The following OSBPL3 variants were observed in gnomAD, a reference collection of about 807,000 sequenced individuals.
OSBPL3 encodes oxysterol-binding protein-related protein 3.
A neutral mutation model predicts 120.1 loss-of-function variants in OSBPL3; 65 were observed. The ratio of observed to expected loss-of-function variants is 0.54; its 90% CI spans 0.44 to 0.67. The LOEUF is 0.67. Among genes scored for constraint, OSBPL3 ranks in the 30% least tolerant of loss-of-function variants. OSBPL3 has a pLI of 0.00. For missense variants in OSBPL3, 1,004 were observed against 1,082.1 expected (o/e 0.93, Z 1.01); for synonymous variants, 416 against 402.6 (o/e 1.03, Z -0.40).
chr7:24,838,723 A>G (rs772507476), intron 14 of OSBPL3, among the ~76,000 whole-genome samples: 15 of 152,214 alleles, frequency 9.9e-5, no homozygotes, highest in Admixed American at 2.6e-4. Context: ...GAGGACTTCC[A>G]CATTTGTCAA....
intron 14 of OSBPL3, among the ~76,000 whole-genome samples, chr7:24,840,032 A>T (rs1797536039): frequency 6.8e-6 from 1 of 147,220 alleles, no homozygotes; most frequent in African/African-American, 2.5e-5. Flanking sequence ...GATATGTGTT[A>T]CATTTTTTAT....
At chr7:24,868,339 GT>G (rs1165314703) in intron 5 of OSBPL3, among the ~76,000 whole-genome samples, 1 of 15,840 alleles carries the variant, frequency 6.3e-5, no homozygotes, top group East Asian at 2.4e-3. Flanking sequence ...AAAAAAAAAA[GT>G]GTGTGTGTGT....
chr7:24,962,796 T>A (rs1017870739), intron 1 of OSBPL3, among the ~76,000 whole-genome samples: 1 of 152,206 alleles, frequency 6.6e-6, no homozygotes, highest in African/African-American at 2.4e-5. Flanking sequence ...TTTAGCAACA[T>A]AAGCCAATAA....
rs1796773135 is a variant in OSBPL3, at chr7:24,834,600, G to A, written c.1632C>T (p.Ala544=). The change falls in exon 15 of 23, where the codon GCC becomes GCT. Residue 544 remains alanine (A), a synonymous_variant. Transcript: ENST00000313367. This position sits in a 1 kb window ranked among gnomAD's most constrained non-coding sequence, Gnocchi z 5.2. Reference sequence around the variant, plus strand: ...GGGGCTCGTTCAGCTCCACCGGCATGGCCACCTTGGACAGGTCCTTCCCGA... The same window carrying A: ...GGGGCTCGTTCAGCTCCACCGGCATAGCCACCTTGGACAGGTCCTTCCCGA... ...NNIGKDLSKV[A]MPVELNEPLN... 6.2e-7 allele frequency: 1 copy of A among 1,614,204 alleles called. No individual in the cohort carries two copies. The highest frequency in any genetic ancestry group is 1.3e-5 in the African/African-American group (1 of 75,046).
rs947835398 is a variant in OSBPL3, at chr7:24,805,259, T to G, written c.2445-822A>C. Among the ~76,000 whole-genome samples, 12 of 152,200 alleles carry G rather than the reference T, an allele frequency of 7.9e-5. No homozygotes were observed. Among genetic ancestry groups the G allele is most frequent in the Non-Finnish European group, 1.6e-4 (11 of 68,034 alleles). Reference sequence around the variant, plus strand: ...TCAAAGTGTATAAAACTTCTGAATTTTTGCCAATCTGATAGGTTAAAAATT... The same window carrying G: ...TCAAAGTGTATAAAACTTCTGAATTGTTGCCAATCTGATAGGTTAAAAATT... On this transcript the variant is annotated intron_variant, in intron 21 of 22. Coordinates refer to ENST00000313367, the MANE Select transcript of OSBPL3 (RefSeq NM_015550.4). The surrounding 1 kb of genome is among the most constrained non-coding windows in gnomAD (Gnocchi z 4.0).
chr7:24,861,367 A>C lies in OSBPL3; in HGVS notation c.1027+246T>G, dbSNP rs991873801. 2.6e-5 allele frequency among the ~76,000 whole-genome samples: 4 copies of C among 152,214 alleles called. No individual in the cohort carries two copies. The East Asian group carries it at 7.7e-4, about 29-fold the overall frequency. ...ATTACCAATTTACACTCCCACCAAC[A>C]TCACATGAATTGCTCAGCTTTTAAA... is the stretch of plus-strand genomic sequence containing the variant. On this transcript the variant is annotated intron_variant, in intron 10 of 22. Coordinates refer to ENST00000313367, the MANE Select transcript of OSBPL3 (RefSeq NM_015550.4).
At position 24,852,569 on chromosome 7, in the gene OSBPL3, T is replaced by A. The variant is rs1057320538; in HGVS notation, c.1093A>T (p.Met365Leu). The A allele has an allele frequency of 1.9e-5, 30 of 1,609,992 alleles. No homozygotes were observed. Among genetic ancestry groups the A allele is most frequent in the Non-Finnish European group, 2.4e-5 (28 of 1,178,730 alleles). Residue 365 changes from methionine to leucine, a missense_variant, in exon 11 of 23, where the codon ATG becomes TTG. Transcript: ENST00000313367. This position sits in a 1 kb window ranked among gnomAD's most constrained non-coding sequence, Gnocchi z 4.1. ...GGGGAGGAGGAGGCATCCTGCTCCA[T>A]CAGCTGCTTCAGTTTCTCTCTCTCC... is the stretch of plus-strand genomic sequence containing the variant. ...SAEREKLKQL[M>L]EQDASSSPSA... is the part of the protein sequence containing the mutation.
At chr7:24,941,627 G>A (rs1235335203) in intron 1 of OSBPL3, among the ~76,000 whole-genome samples, 2 of 152,136 alleles carry the variant, frequency 1.3e-5, no homozygotes, top group Non-Finnish European at 2.9e-5. Flanking sequence ...CCTGCATCCC[G>A]TAAGATAGGT....
intron 12 of OSBPL3, among the ~76,000 whole-genome samples, chr7:24,848,019 C>G (rs535477283): frequency 6.6e-6 from 1 of 152,314 alleles, no homozygotes; most frequent in East Asian, 1.9e-4. Flanking sequence ...CAAGCTTCTG[C>G]CAGACAGAGG....
chr7:24,920,880 T>A (rs897606907), intron 1 of OSBPL3, among the ~76,000 whole-genome samples: 1 of 152,166 alleles, frequency 6.6e-6, no homozygotes, highest in Non-Finnish European at 1.5e-5. Context: ...GAAACACCTG[T>A]ACAAATTATG....
intron 1 of OSBPL3, among the ~76,000 whole-genome samples, chr7:24,924,514 T>A (rs1396161953): frequency 6.6e-6 from 1 of 152,226 alleles, no homozygotes; most frequent in Non-Finnish European, 1.5e-5. Flanking sequence ...CAGAACTGGT[T>A]CTAAGAATTG....
chr7:24,907,729 G>C (rs1335462083), intron 1 of OSBPL3, among the ~76,000 whole-genome samples: 1 of 152,106 alleles, frequency 6.6e-6, no homozygotes, highest in East Asian at 1.9e-4. Flanking sequence ...CACCCCAAAT[G>C]CGTTTGTTTC....
intron 1 of OSBPL3, among the ~76,000 whole-genome samples, chr7:24,961,515 G>A (rs1253322149): frequency 1.3e-5 from 2 of 152,098 alleles, no homozygotes; most frequent in Non-Finnish European, 2.9e-5. Context: ...CCTCCTGTAT[G>A]GCATTAGCGC....
chr7:24,866,069 C>T lies in OSBPL3; in HGVS notation c.549+1G>A. The T allele has an allele frequency of 6.2e-7, 1 of 1,612,152 alleles. No homozygotes were observed. The highest frequency in any genetic ancestry group is 8.5e-7 in the Non-Finnish European group (1 of 1,178,272). On this transcript the variant is annotated splice_donor_variant, in intron 6 of 22. Transcript: ENST00000313367. LOFTEE classifies it high-confidence loss of function. ...TTCATTATTGGCAAAACACTCATTACCTTCCTACTTGAAATGGAGTCAAAC... is the reference window on the plus strand; with the variant it reads ...TTCATTATTGGCAAAACACTCATTATCTTCCTACTTGAAATGGAGTCAAAC...
intron 1 of OSBPL3, among the ~76,000 whole-genome samples, chr7:24,905,221 C>CT (rs1313449396): frequency 6.6e-6 from 1 of 151,944 alleles, no homozygotes; most frequent in Non-Finnish European, 1.5e-5. Context: ...TGTTTTCCAT[C>CT]TTTTTTCTTC....
Position 24,871,738 on chromosome 7 carries a change from T to G in OSBPL3, c.267+4A>C, listed in dbSNP as rs6952815. Reference sequence around the variant, plus strand: ...TACCACAGTGGGCCCACAAAAAGACTTACATCGGTTTGGCTCTTGGCATAT... The same window carrying G: ...TACCACAGTGGGCCCACAAAAAGACGTACATCGGTTTGGCTCTTGGCATAT... On this transcript the variant is annotated splice_donor_region_variant and intron_variant, in intron 4 of 22. Transcript: ENST00000313367. The surrounding 1 kb of genome is among the most constrained non-coding windows in gnomAD (Gnocchi z 4.8). The G allele has an allele frequency of 0.087, 139,842 of 1,608,712 alleles. 6,636 individuals carry two copies. Among genetic ancestry groups the G allele is most frequent in the African/African-American group, 0.17 (12,536 of 74,840 alleles).
intron 1 of OSBPL3, among the ~76,000 whole-genome samples, chr7:24,934,495 ATATC>A (rs1255477471): frequency 3.3e-5 from 5 of 152,192 alleles, no homozygotes; most frequent in Non-Finnish European, 7.4e-5. Context: ...TATCAAAAAC[ATATC>A]TATCTTTTGG....
chr7:24,917,802 G>A (rs773070448), intron 1 of OSBPL3, among the ~76,000 whole-genome samples: 1 of 152,036 alleles, frequency 6.6e-6, no homozygotes, highest in Non-Finnish European at 1.5e-5. Context: ...CACTCTTAAA[G>A]ACACCATGTA....
Position 24,797,844 on chromosome 7 carries a change from AT to A in OSBPL3, c.*2338del, listed in dbSNP as rs1413599898. 3 of 152,226 alleles carry A rather than the reference AT, an allele frequency of 2.0e-5. No individual in the cohort carries two copies. Among genetic ancestry groups the A allele is most frequent in the African/African-American group, 7.2e-5 (3 of 41,462 alleles). 9.4% of individuals were successfully genotyped at this position (152,226 alleles called of 1,614,324 possible). The stretch of plus-strand genomic sequence containing the variant: ...TAAATTCTACCTTGGTTCTTCCCAA[AT>A]GATGCCACGTTTCTGTTTTCTTCCT... On this transcript the variant is annotated 3_prime_UTR_variant, in exon 23 of 23. Coordinates refer to ENST00000313367, the MANE Select transcript of OSBPL3 (RefSeq NM_015550.4). This position sits in a 1 kb window ranked among gnomAD's most constrained non-coding sequence, Gnocchi z 4.8.
Sources: allele counts gnomAD v4.1 joint callset (sites outside exome capture counted in the v4.1 genomes callset), GRCh38; gene constraint gnomAD v4.1.1; non-coding constraint Gnocchi (gnomAD v3.1); transcripts MANE v1.5; gene names NCBI Gene and HGNC (gene_info 2026-07-23, HGNC 2026-07-21).